ANKRD26: variants seen among roughly 807,000 people sequenced by gnomAD.
ANKRD26 encodes ankyrin repeat domain-containing protein 26.
In ANKRD26, 141 loss-of-function variants were observed where a neutral mutation model predicts 208.7. That is an observed-to-expected ratio of 0.68 (90% CI 0.59 to 0.78). The LOEUF (loss-of-function observed/expected upper bound fraction) is 0.78. ANKRD26 is among the 30% of genes least tolerant of loss of function. ANKRD26 has a pLI of 0.00. For missense variants in ANKRD26, 1,889 were observed against 1,938.7 expected, an observed-to-expected ratio of 0.97 and a Z score of 0.48; for synonymous variants, 636 against 660.4, an observed-to-expected ratio of 0.96 and a Z score of 0.57.
chr10:27,073,527 T>G (rs2055580026), intron 9 of ANKRD26, among the ~76,000 whole-genome samples: 1 of 152,234 alleles, frequency 6.6e-6, no homozygotes, highest in Non-Finnish European at 1.5e-5. Flanking sequence ...ACTGCTTTCC[T>G]GTGGCTCCCT....
chr10:27,040,008 C>G lies in ANKRD26; in HGVS notation c.2332G>C (p.Glu778Gln), dbSNP rs139949439. 5,175 of 1,613,662 alleles carry G rather than the reference C, an allele frequency of 3.2e-3. 11 individuals carry two copies. Among genetic ancestry groups the G allele is most frequent in the Non-Finnish European group, 3.9e-3 (4,571 of 1,179,788 alleles). The change falls in exon 21 of 34, where the codon GAG (glutamate) becomes CAG (glutamine). Residue 778 changes from glutamate (E) to glutamine (Q), a missense_variant. By Grantham distance (29) the Glu-to-Gln change is conservative (BLOSUM62 2). This residue lies in a region of ANKRD26 where 1,272 missense variants were observed against 1,273.8 expected (regional missense o/e 1.00). Transcript: ENST00000376087. ...SETKEIKSQL[E>Q]HQKVEWEREL... ...CGTTCCCATTCAACTTTTTGATGCT[C>G]TAACTGTGATTTTATTTCTTTTGTT...
chr10:27,029,369 A>T lies in ANKRD26; in HGVS notation c.3808-13T>A. On this transcript the variant is annotated splice_polypyrimidine_tract_variant and intron_variant, in intron 25 of 33. Transcript: ENST00000376087. Reference sequence around the variant, plus strand: ...GTGCTTCTTGCAACTAAAACAAAGAATAAAAAAAACCCACTTTACTAATAA... The same window carrying T: ...GTGCTTCTTGCAACTAAAACAAAGATTAAAAAAAACCCACTTTACTAATAA... 1 of 1,608,126 alleles carries T rather than the reference A, an allele frequency of 6.2e-7. No individual in the cohort carries two copies. Among genetic ancestry groups the T allele is most frequent in the Non-Finnish European group, 8.5e-7 (1 of 1,176,266 alleles).
downstream of ANKRD26, among the ~76,000 whole-genome samples, chr10:26,972,151 C>T (rs1009880373): frequency 8.0e-5 from 12 of 150,854 alleles, no homozygotes; most frequent in Non-Finnish European, 1.2e-4. Context: ...AGGAGAATGG[C>T]GTGATCCCGG....
At chr10:26,955,602 C>A in the ANKRD26 span, among the ~76,000 whole-genome samples, 8 of 152,206 alleles carry the variant, frequency 5.3e-5, no homozygotes, top group South Asian at 1.5e-3. Flanking sequence ...TTTTCCATTT[C>A]CTAGCCTCTT....
chr10:26,979,723 G>C (rs1005260268), intron 5 of ANKRD26, among the ~76,000 whole-genome samples: 5 of 152,150 alleles, frequency 3.3e-5, no homozygotes, highest in Admixed American at 6.6e-5. Flanking sequence ...CTTCCTCAGA[G>C]CACCCCTAGT....
chr10:27,095,133 AT>A (rs1159335772), intron 1 of ANKRD26, among the ~76,000 whole-genome samples: 1 of 152,242 alleles, frequency 6.6e-6, no homozygotes, highest in Non-Finnish European at 1.5e-5. Context: ...AATTGGAAGC[AT>A]TTTTAAAATT....
At chr10:26,960,116 T>G in the ANKRD26 span, among the ~76,000 whole-genome samples, 1 of 151,264 alleles carries the variant, frequency 6.6e-6, no homozygotes, top group Non-Finnish European at 1.5e-5. Context: ...ACCATTGCAC[T>G]CTAGCCTGGG....
At chr10:27,099,394 AAAAC>A (rs1372324080) in intron 1 of ANKRD26, among the ~76,000 whole-genome samples, 3 of 152,242 alleles carry the variant, frequency 2.0e-5, no homozygotes, top group Non-Finnish European at 4.4e-5. Flanking sequence ...AATGCTGAGA[AAAAC>A]AAATTACTTG....
intron 28 of ANKRD26, among the ~76,000 whole-genome samples, chr10:27,023,729 G>C (rs1446670054): frequency 1.3e-5 from 2 of 151,924 alleles, no homozygotes; most frequent in African/African-American, 4.8e-5. Context: ...CAGAACAAAC[G>C]TAAGTACTCA....
At chr10:26,979,990 AG>A (rs2052283838) in intron 5 of ANKRD26, among the ~76,000 whole-genome samples, 1 of 151,958 alleles carries the variant, frequency 6.6e-6, no homozygotes, top group Non-Finnish European at 1.5e-5. Flanking sequence ...CTAGTTCCTT[AG>A]TTCTGACCAT....
At chr10:26,963,903 G>GTTTTTTGTTTTTTTTTTT in the ANKRD26 span, among the ~76,000 whole-genome samples, 2 of 71,848 alleles carry the variant, frequency 2.8e-5, no homozygotes, top group South Asian at 5.4e-4. Flanking sequence ...TGGTTGGTTG[G>GTTTTTTGTTTTTTTTTTT]TTTTTTTTTT....
downstream of ANKRD26, among the ~76,000 whole-genome samples, chr10:26,987,760 CAT>C (rs2052414695): frequency 6.6e-6 from 1 of 152,102 alleles, no homozygotes; most frequent in South Asian, 2.1e-4. Flanking sequence ...TTGACAGACA[CAT>C]ATTAAGTATG....
At chr10:27,001,252 G>C (rs1278299676), downstream of ANKRD26, among the ~76,000 whole-genome samples, 1 of 152,150 alleles carries the variant, frequency 6.6e-6, no homozygotes, top group Non-Finnish European at 1.5e-5. Context: ...TTAGGGGCTG[G>C]AGTCTGGATA....
chr10:27,057,855 T>C (rs1451444226), intron 15 of ANKRD26, among the ~76,000 whole-genome samples: 1 of 151,210 alleles, frequency 6.6e-6, no homozygotes. Context: ...GAGAATCGCT[T>C]GAACCTAGGA....
At position 27,092,469 on chromosome 10, in the gene ANKRD26, T is replaced by G. The variant is rs774463122; in HGVS notation, c.575A>C (p.Gln192Pro). Residue 192 changes from glutamine (Q) to proline (P), a missense_variant, in exon 4 of 34, where the codon CAG becomes CCG. Gln to Pro is a moderately conservative substitution (Grantham distance 76). Around this residue, in one of 3 missense-constraint regions of ANKRD26, gnomAD observed 1,272 missense variants for 1,273.8 expected, o/e 1.00. Transcript: ENST00000376087. ...CTTTATTAAAAATTCCACCATTTGCTGCTTTTTTCCACTTACTGCAAGTAA... is the reference window on the plus strand; with the variant it reads ...CTTTATTAAAAATTCCACCATTTGCGGCTTTTTTCCACTTACTGCAAGTAA... ...PLLLAVSGKK[Q>P]QMVEFLIKKK... 1 of 1,613,714 alleles carries G rather than the reference T, an allele frequency of 6.2e-7. No individual in the cohort carries two copies. The highest frequency in any genetic ancestry group is 1.3e-5 in the African/African-American group (1 of 74,940).
chr10:27,032,216 A>G (rs1053722294), intron 25 of ANKRD26, among the ~76,000 whole-genome samples: 3 of 152,234 alleles, frequency 2.0e-5, no homozygotes, highest in African/African-American at 7.2e-5. Flanking sequence ...TTTAATAAAC[A>G]AGATGGGTGC....
intron 5 of ANKRD26, 116 bp from the exon 6 acceptor site, chr10:27,082,949 C>T (rs1056068401): frequency 2.2e-6 from 3 of 1,343,148 alleles, no homozygotes; most frequent in Admixed American, 5.3e-5. Context: ...TATCTGGAGA[C>T]TATAATAGAA....
At chr10:27,055,553 C>T (rs2054810197) in intron 15 of ANKRD26, among the ~76,000 whole-genome samples, 1 of 152,124 alleles carries the variant, frequency 6.6e-6, no homozygotes, top group Admixed American at 6.5e-5. Flanking sequence ...TAAACTGGTA[C>T]ATAAAGTAAA....
intron 29 of ANKRD26, among the ~76,000 whole-genome samples, chr10:27,021,847 T>G (rs2053501280): frequency 6.6e-6 from 1 of 152,098 alleles, no homozygotes. Context: ...ATGTCTTCTT[T>G]TGAGAAATGT....
Sources: gnomAD v4.1 joint callset for allele counts (sites outside exome capture counted in the v4.1 genomes callset) on GRCh38, gnomAD v4.1.1 for gene constraint, gnomAD v4.1.1 regional missense constraint, MANE v1.5 for transcripts, NCBI Gene and HGNC (gene_info 2026-07-23, HGNC 2026-07-21) for gene names.